OSBPL9: variants seen among roughly 807,000 people sequenced by gnomAD.
OSBPL9 encodes oxysterol binding protein like 9.
OSBPL9 carries 40 observed loss-of-function variants against 106.6 expected under a neutral mutation model. The observed-to-expected ratio is 0.38, with a 90% CI of 0.29 to 0.49. OSBPL9 has a LOEUF of 0.49. Among genes scored for constraint, OSBPL9 ranks in the 20% least tolerant of loss-of-function variants. The pLI, the probability that OSBPL9 is intolerant of heterozygous loss-of-function variation, is 0.97. For missense variants in OSBPL9, 609 were observed against 887.2 expected (o/e 0.69, Z 3.98); for synonymous variants, 269 against 295.4 (o/e 0.91, Z 0.92).
In OSBPL9 at chr1:51,717,933, A is replaced by C. The variant is rs1661369473; in HGVS notation, c.318+3854A>C. On this transcript the variant is annotated intron_variant, in intron 4 of 23. Coordinates refer to ENST00000428468, the MANE Select transcript of OSBPL9 (RefSeq NM_024586.6). ...ACCCAGGTTTATTGCAGCACTATTC[A>C]CAATAGCCAAGATTTGGAAGCAACC... is the stretch of plus-strand genomic sequence containing the variant. Among the ~76,000 whole-genome samples the C allele has an allele frequency of 3.9e-5, 6 of 152,362 alleles. No homozygotes were observed. The South Asian group carries it at 1.2e-3, about 32-fold the overall frequency.
At chr1:51,655,822 C>A (rs1263182604) in intron 2 of OSBPL9, among the ~76,000 whole-genome samples, 2 of 152,138 alleles carry the variant, frequency 1.3e-5, no homozygotes, top group Admixed American at 6.5e-5. Flanking sequence ...ACTCTTCTTG[C>A]AGAATTTTGT....
intron 3 of OSBPL9, among the ~76,000 whole-genome samples, chr1:51,686,901 C>T (rs891371658): frequency 6.6e-6 from 1 of 152,204 alleles, no homozygotes; most frequent in Non-Finnish European, 1.5e-5. Flanking sequence ...ATATTTACTC[C>T]TTCTTTGCAG....
At chr1:51,593,892 A>G (rs1412062336) in intron 1 of OSBPL9, among the ~76,000 whole-genome samples, 4 of 141,426 alleles carry the variant, frequency 2.8e-5, no homozygotes, top group African/African-American at 1.1e-4. Flanking sequence ...CCCTCAAATA[A>G]TTAATCAGAT....
intron 3 of OSBPL9, among the ~76,000 whole-genome samples, chr1:51,701,895 G>T (rs1218815200): frequency 6.6e-6 from 1 of 152,086 alleles, no homozygotes; most frequent in African/African-American, 2.4e-5. Flanking sequence ...AGAACATGCG[G>T]TGTTTCGTTT....
At chr1:51,632,130 A>AG (rs1220062825) in intron 1 of OSBPL9, among the ~76,000 whole-genome samples, 1 of 152,222 alleles carries the variant, frequency 6.6e-6, no homozygotes, top group Non-Finnish European at 1.5e-5. Context: ...TATAAATAGA[A>AG]GGCATATACT....
intron 11 of OSBPL9, among the ~76,000 whole-genome samples, chr1:51,764,583 C>CT (rs531240886): frequency 0.016 from 2,184 of 135,658 alleles, 24 homozygotes; most frequent in East Asian, 0.069. Flanking sequence ...ACTCTGGATT[C>CT]TTTTTTTTTT....
At chr1:51,587,427 G>A (rs1645252484) in intron 1 of OSBPL9, among the ~76,000 whole-genome samples, 1 of 152,178 alleles carries the variant, frequency 6.6e-6, no homozygotes, top group Admixed American at 6.5e-5. Flanking sequence ...CCACCTCCAT[G>A]ACCATGGCCT....
intron 3 of OSBPL9, among the ~76,000 whole-genome samples, chr1:51,698,955 A>G (rs572267385): frequency 3.5e-4 from 54 of 152,222 alleles, no homozygotes; most frequent in African/African-American, 1.3e-3. Flanking sequence ...TTTCTATTAG[A>G]TCCATTAGAG....
chr1:51,729,742 G>A lies in OSBPL9; in HGVS notation c.318+15663G>A. 2 of 1,076,074 alleles carry A rather than the reference G, an allele frequency of 1.9e-6. No individual in the cohort carries two copies. Among genetic ancestry groups the A allele is most frequent in the South Asian group, 4.9e-5 (1 of 20,510 alleles). The allele number at this position is 1,076,074 out of a possible 1,614,324, so 66.7% of individuals were successfully genotyped here. On this transcript the variant is annotated intron_variant, in intron 4 of 23. Transcript: ENST00000428468. This position sits in a 1 kb window ranked among gnomAD's most constrained non-coding sequence, Gnocchi z 5.1. ...ATGGCCAATCGCCAGGGGTCTCTTT[G>A]CCAGGAGCCGCCAGGGCCAGCCAAT...
intron 1 of OSBPL9, among the ~76,000 whole-genome samples, chr1:51,618,315 G>A (rs1448075833): frequency 5.9e-5 from 9 of 152,108 alleles, no homozygotes; most frequent in African/African-American, 1.9e-4. Context: ...CACCGCGTCC[G>A]GCCTTGAATC....
chr1:51,631,042 A>G (rs1282394830), intron 1 of OSBPL9, among the ~76,000 whole-genome samples: 1 of 152,228 alleles, frequency 6.6e-6, no homozygotes, highest in African/African-American at 2.4e-5. Flanking sequence ...AAAGTTTGAC[A>G]CGAGGCTGGC....
chr1:51,524,500 A>T, the OSBPL9 span, among the ~76,000 whole-genome samples: 1 of 152,230 alleles, frequency 6.6e-6, no homozygotes, highest in African/African-American at 2.4e-5. Flanking sequence ...ATGAAGGTTT[A>T]TGTGAAAACC....
At chr1:51,745,301 T>G in intron 4 of OSBPL9, 2 of 458,148 alleles carry the variant, frequency 4.4e-6, no homozygotes, top group Non-Finnish European at 7.3e-6. Context: ...TAAATCCAAT[T>G]TGAGCAGCAG....
In OSBPL9 at chr1:51,767,181, C is replaced by T. The variant is rs547776242; in HGVS notation, c.938+1200C>T. ...GGCTGAGGTGGGAGGATCAGTTGAG[C>T]CCAGGAGTTTGAGACCAGCTTGGGC... On this transcript the variant is annotated intron_variant, in intron 12 of 23. Transcript: ENST00000428468. Among the ~76,000 whole-genome samples the T allele has an allele frequency of 4.6e-5, 7 of 152,098 alleles. No individual in the cohort carries two copies. The East Asian group carries it at 1.4e-3, about 29-fold the overall frequency.
chr1:51,538,159 G>A, the OSBPL9 span, among the ~76,000 whole-genome samples: 1 of 152,108 alleles, frequency 6.6e-6, no homozygotes, highest in Non-Finnish European at 1.5e-5. Context: ...GGGCATGGTA[G>A]TGCATGCCTG....
At position 51,587,893 on chromosome 1, in the gene OSBPL9, G is replaced by T. The variant is rs567159642; in HGVS notation, c.-422-10231G>T. ...TCACCACTCCACTGAGTTGTCAAAT[G>T]GTCTTCCTAACTGTCAAATGCAATG... On this transcript the variant is annotated intron_variant, in intron 1 of 25. Transcript: ENST00000371714. 1.2e-4 allele frequency among the ~76,000 whole-genome samples: 18 copies of T among 152,296 alleles called. No homozygotes were observed. In the South Asian group the frequency reaches 2.9e-3, roughly 25 times the overall value.
intron 1 of OSBPL9, among the ~76,000 whole-genome samples, chr1:51,619,451 A>C (rs1644290471): frequency 6.6e-6 from 1 of 152,232 alleles, no homozygotes; most frequent in Non-Finnish European, 1.5e-5. Flanking sequence ...GGGTTTAAAA[A>C]AATACTTTTT....
At chr1:51,651,006 C>T (rs1473694888) in intron 1 of OSBPL9, among the ~76,000 whole-genome samples, 4 of 152,160 alleles carry the variant, frequency 2.6e-5, no homozygotes, top group African/African-American at 9.7e-5. Context: ...ACAATTCCTA[C>T]CCCCTAAGGT....
chr1:51,542,335 G>C, the OSBPL9 span, among the ~76,000 whole-genome samples: 13 of 152,208 alleles, frequency 8.5e-5, no homozygotes, highest in Admixed American at 8.5e-4. Flanking sequence ...CACACACACT[G>C]AGTAAGAGTC....
Sources: gnomAD v4.1 joint callset for allele counts (sites outside exome capture counted in the v4.1 genomes callset) on GRCh38, gnomAD v4.1.1 for gene constraint, Gnocchi (gnomAD v3.1) non-coding constraint, MANE v1.5 for transcripts, NCBI Gene and HGNC (gene_info 2026-07-23, HGNC 2026-07-21) for gene names.